The following NEK6 variants were observed in gnomAD, a reference collection of about 807,000 sequenced individuals.
NEK6 encodes the protein serine/threonine-protein kinase Nek6.
Under a neutral mutation model 43.5 loss-of-function variants are expected in NEK6, and 27 were observed. That is an observed-to-expected ratio of 0.62 (90% confidence interval 0.46 to 0.86). NEK6 has a LOEUF of 0.86. Ranked by LOEUF, NEK6 falls within the 40% of genes least tolerant of loss-of-function variation. The pLI is 0.00. For synonymous variants in NEK6, 167 were observed against 164.1 expected, an observed-to-expected ratio of 1.02 and a Z score of -0.14; for missense variants, 318 against 414.4, an observed-to-expected ratio of 0.77 and a Z score of 2.02.
intron 7 of NEK6, among the ~76,000 whole-genome samples, chr9:124,328,579 C>T (rs540523418): frequency 6.6e-6 from 1 of 152,348 alleles, no homozygotes; most frequent in African/African-American, 2.4e-5. Flanking sequence ...CTCCATGGCT[C>T]AAGCCAGGAC....
rs529312301 is a variant in NEK6 at position 124,302,722 on chromosome 9, C to T, written c.90+668C>T. Among the ~76,000 whole-genome samples the T allele has an allele frequency of 2.8e-3, 420 of 152,334 alleles. 4 individuals are homozygous for T. Among genetic ancestry groups the T allele is most frequent in the Middle Eastern group, 0.02 (6 of 294 alleles). On this transcript the variant is annotated intron_variant, in intron 2 of 9. Coordinates refer to ENST00000320246, the MANE Select transcript of NEK6 (RefSeq NM_014397.6). ...GCAAATGCTGCTCCCTCTGGGGAGA[C>T]CTCCACTTCCACCCTGCTCTCTGCT...
At position 124,265,166 on chromosome 9, in the gene NEK6, T is replaced by C. The variant is rs1354646689; in HGVS notation, c.-30+7081T>C. ...GGTGGTGGTTGCACAACATTGTGAT[T>C]GTAATACATCCCATCCAGCGGTTTG... On this transcript the variant is annotated intron_variant, in intron 1 of 9. Coordinates refer to ENST00000320246, the MANE Select transcript of NEK6 (RefSeq NM_014397.6). Among the ~76,000 whole-genome samples the C allele has an allele frequency of 2.6e-5, 4 of 152,188 alleles. No homozygotes were observed. In the East Asian group the frequency reaches 7.7e-4, roughly 29 times the overall value.
At chr9:124,263,822 G>A (rs756584927) in intron 1 of NEK6, among the ~76,000 whole-genome samples, 9 of 152,190 alleles carry the variant, frequency 5.9e-5, no homozygotes, top group Non-Finnish European at 7.3e-5. Context: ...GCCCTGTGGC[G>A]CCTCAGGAAA....
At chr9:124,273,354 A>G (rs531488563) in intron 1 of NEK6, among the ~76,000 whole-genome samples, 1 of 152,294 alleles carries the variant, frequency 6.6e-6, no homozygotes, top group South Asian at 2.1e-4. Flanking sequence ...TTGATCCCGA[A>G]TGGGGGAGGG....
chr9:124,338,434 T>G (rs1422206020), intron 7 of NEK6, among the ~76,000 whole-genome samples: 1 of 152,382 alleles, frequency 6.6e-6, no homozygotes, highest in East Asian at 1.9e-4. Context: ...ATGTACTGAT[T>G]TGCAGAAGCT....
chr9:124,329,372 G>A (rs1489283072), intron 7 of NEK6, among the ~76,000 whole-genome samples: 1 of 152,220 alleles, frequency 6.6e-6, no homozygotes, highest in African/African-American at 2.4e-5. Flanking sequence ...AGACTGTGGC[G>A]CTCCGTCAGA....
At chr9:124,293,738 C>T (rs1832540289) in intron 1 of NEK6, among the ~76,000 whole-genome samples, 1 of 152,214 alleles carries the variant, frequency 6.6e-6, no homozygotes, top group Non-Finnish European at 1.5e-5. Context: ...GCCAACGCCC[C>T]CTGGGTGGCC....
rs544500525 is a variant in NEK6 at position 124,303,001 on chromosome 9, G to A, written c.90+947G>A. On this transcript the variant is annotated intron_variant, in intron 2 of 9. Coordinates refer to ENST00000320246, the MANE Select transcript of NEK6 (RefSeq NM_014397.6). Reference sequence around the variant, plus strand: ...GGAAAACACTCAGGTCTGCTCTTACGGAGCACACAGCCTCATGGGAGAGAA... The same window carrying A: ...GGAAAACACTCAGGTCTGCTCTTACAGAGCACACAGCCTCATGGGAGAGAA... Among the ~76,000 whole-genome samples the A allele has an allele frequency of 4.6e-5, 7 of 152,352 alleles. No individual in the cohort carries two copies. The East Asian group carries it at 7.7e-4, about 17-fold the overall frequency.
chr9:124,300,677 C>T (rs1832921744), intron 1 of NEK6, among the ~76,000 whole-genome samples: 1 of 152,148 alleles, frequency 6.6e-6, no homozygotes, highest in Admixed American at 6.5e-5. Flanking sequence ...CCTTCTCAGA[C>T]AAAACCCGCT....
At chr9:124,285,193 T>C (rs1020071671) in intron 1 of NEK6, among the ~76,000 whole-genome samples, 7 of 152,326 alleles carry the variant, frequency 4.6e-5, no homozygotes, top group Admixed American at 4.6e-4. Context: ...ACAGGCTTGG[T>C]GACCGCTCAA....
chr9:124,317,032 G>A (rs1833849433), intron 4 of NEK6, among the ~76,000 whole-genome samples: 1 of 152,192 alleles, frequency 6.6e-6, no homozygotes, highest in African/African-American at 2.4e-5. Context: ...GAAGGAGCAG[G>A]GTGTTCCCAT....
intron 1 of NEK6, among the ~76,000 whole-genome samples, chr9:124,268,835 A>G (rs1831318869): frequency 6.6e-6 from 1 of 152,212 alleles, no homozygotes; most frequent in Non-Finnish European, 1.5e-5. Context: ...TGAAGCCCAA[A>G]TGCACAGAAC....
chr9:124,294,491 CAA>C (rs11315005), intron 1 of NEK6, among the ~76,000 whole-genome samples: 51 of 132,974 alleles, frequency 3.8e-4, no homozygotes, highest in Admixed American at 5.9e-4. Context: ...GACTCCATCT[CAA>C]AAAAAAAAAA....
chr9:124,304,412 GTC>G (rs1357151644), intron 2 of NEK6, among the ~76,000 whole-genome samples: 5 of 152,164 alleles, frequency 3.3e-5, no homozygotes, highest in Admixed American at 6.5e-5. Context: ...CCAGCTCTCC[GTC>G]TCTCATTAGC....
rs1830336034 is a variant in NEK6 at position 124,352,900 on chromosome 9, A to G, written c.*1953A>G. The G allele has an allele frequency of 6.6e-6, 1 of 152,436 alleles. No homozygotes were observed. Among genetic ancestry groups the G allele is most frequent in the Non-Finnish European group, 1.5e-5 (1 of 68,166 alleles). 9.4% of individuals were successfully genotyped at this position (152,436 alleles called of 1,614,324 possible). On this transcript the variant is annotated 3_prime_UTR_variant, in exon 10 of 10. Transcript: ENST00000320246. ...GCCACCCGCTTTCCACACTGTGAGA[A>G]CAATCTGCCCAACTGGACCCTCTGG... is the stretch of plus-strand genomic sequence containing the variant.
rs556566874 is a variant in NEK6, at chr9:124,335,437, G to A, written c.623-4134G>A. Among the ~76,000 whole-genome samples, 25 of 152,322 alleles carry A rather than the reference G, an allele frequency of 1.6e-4. No homozygotes were observed. In the South Asian group the frequency reaches 4.8e-3, roughly 29 times the overall value. On this transcript the variant is annotated intron_variant, in intron 7 of 9. Coordinates refer to ENST00000320246, the MANE Select transcript of NEK6 (RefSeq NM_014397.6). ...AGGATGACACCTTTCTCACAAGCAG[G>A]GCTTTAAGTGAGGGCTGCTGCGCTT... is the stretch of plus-strand genomic sequence containing the variant.
chr9:124,312,566 A>C lies in NEK6; in HGVS notation c.148A>C (p.Lys50Gln). The C allele has an allele frequency of 6.2e-7, 1 of 1,614,208 alleles. No individual in the cohort carries two copies. Among genetic ancestry groups the C allele is most frequent in the Non-Finnish European group, 8.5e-7 (1 of 1,180,028 alleles). ...CSLADFQIEK[K>Q]IGRGQFSEVY... ...GCTGGCGGACTTCCAGATCGAAAAGAAGATAGGCCGAGGACAGTTCAGCGA... is the reference window on the plus strand; with the variant it reads ...GCTGGCGGACTTCCAGATCGAAAAGCAGATAGGCCGAGGACAGTTCAGCGA... Residue 50 changes from lysine (K) to glutamine (Q), a missense_variant, in exon 3 of 10, where the codon AAG becomes CAG. By Grantham distance (53) the Lys-to-Gln change is moderately conservative (BLOSUM62 1). Around this residue, in one of 2 missense-constraint regions of NEK6, gnomAD observed 239 missense variants for 344.4 expected, o/e 0.69. Transcript: ENST00000320246.
chr9:124,291,994 G>T, intron 1 of NEK6: 1 of 987,848 alleles, frequency 1.0e-6, no homozygotes, highest in Non-Finnish European at 1.2e-6. Context: ...CCAGAGAGGC[G>T]ACCCAGCTCC....
intron 1 of NEK6, chr9:124,292,935 G>T (rs199720840): frequency 2.4e-5 from 38 of 1,559,186 alleles, no homozygotes; most frequent in Non-Finnish European, 3.3e-5. Context: ...AGGCTGCCTG[G>T]AGGAGATGCC....
Sources: gnomAD v4.1 joint callset for allele counts (sites outside exome capture counted in the v4.1 genomes callset) on GRCh38, gnomAD v4.1.1 for gene constraint, gnomAD v4.1.1 regional missense constraint, MANE v1.5 for transcripts, NCBI Gene and HGNC (gene_info 2026-07-23, HGNC 2026-07-21) for gene names.